The following FMN1 variants were observed in gnomAD, a reference collection of about 807,000 sequenced individuals.
The protein encoded by FMN1 is formin 1.
Under a neutral mutation model 132.4 loss-of-function variants are expected in FMN1, and 110 were observed. The observed-to-expected ratio is 0.83, with a 90% CI of 0.71 to 0.97. The LOEUF is 0.97. Ranked by LOEUF, FMN1 falls within the 50% of genes least tolerant of loss-of-function variation. The pLI, the probability that FMN1 is intolerant of heterozygous loss-of-function variation, is 0.00. For missense variants in FMN1, 1,792 were observed against 1,705.3 expected (o/e 1.05, Z -0.90); for synonymous variants, 722 against 651.7 (o/e 1.11, Z -1.64).
intron 17 of FMN1, 111 bp from the exon 18 acceptor site, chr15:32,804,443 G>GGT (rs2057594565): frequency 1.3e-5 from 1 of 75,838 alleles, no homozygotes; most frequent in African/African-American, 8.3e-5. Context: ...AATTCGGGGG[G>GGT]GGGGGGGGGG....
intron 13 of FMN1, 62 bp from the exon 14 acceptor site, chr15:32,900,187 T>C: frequency 6.4e-7 from 1 of 1,564,996 alleles, no homozygotes; most frequent in Non-Finnish European, 8.8e-7. Context: ...GTTCATTCAG[T>C]AACAAATATC....
chr15:32,991,384 C>A (rs1267776263), intron 7 of FMN1, among the ~76,000 whole-genome samples: 1 of 152,190 alleles, frequency 6.6e-6, no homozygotes, highest in Non-Finnish European at 1.5e-5. Flanking sequence ...ACATCTACTG[C>A]ATATTGATTC....
At chr15:33,110,796 AAAAC>A (rs1373879625) in intron 4 of FMN1, among the ~76,000 whole-genome samples, 2 of 152,112 alleles carry the variant, frequency 1.3e-5, no homozygotes, top group Admixed American at 6.6e-5. Context: ...CTCTGTTATT[AAAAC>A]AAAAATAAGA....
intron 16 of FMN1, among the ~76,000 whole-genome samples, chr15:32,859,343 T>C (rs1423486169): frequency 3.3e-5 from 5 of 152,232 alleles, no homozygotes; most frequent in East Asian, 3.8e-4. Context: ...TTTTCCATTA[T>C]GGCATATTTC....
At chr15:33,044,140 C>A (rs984850622) in intron 6 of FMN1, among the ~76,000 whole-genome samples, 1 of 152,214 alleles carries the variant, frequency 6.6e-6, no homozygotes, top group African/African-American at 2.4e-5. Flanking sequence ...GGCCTTGGTG[C>A]CCTCAAGACT....
At chr15:32,926,390 C>G in intron 9 of FMN1, 129 bp from the exon 10 acceptor site, 1 of 558,734 alleles carries the variant, frequency 1.8e-6, no homozygotes, top group Non-Finnish European at 3.2e-6. Flanking sequence ...TGCATGCACT[C>G]TTTAAATAAT....
chr15:32,922,942 A>G (rs1028429765), intron 10 of FMN1, among the ~76,000 whole-genome samples: 1 of 152,238 alleles, frequency 6.6e-6, no homozygotes, highest in African/African-American at 2.4e-5. Flanking sequence ...AATGGCAGGT[A>G]GAGGCAAATG....
chr15:33,193,790 T>C (rs1456612544), intron 2 of FMN1, 119 bp downstream of exon 2: 1 of 152,070 alleles, frequency 6.6e-6, no homozygotes, highest in Non-Finnish European at 1.5e-5. Flanking sequence ...CAGCTCACAC[T>C]CTGCTCCCAG....
intron 17 of FMN1, among the ~76,000 whole-genome samples, chr15:32,825,048 G>A (rs1029968944): frequency 2.0e-5 from 3 of 152,076 alleles, no homozygotes; most frequent in Admixed American, 6.6e-5. Context: ...CAACTCCTAC[G>A]TTTAAATCCA....
chr15:32,934,075 TTTTG>T (rs1258053977), intron 9 of FMN1, among the ~76,000 whole-genome samples: 1 of 152,058 alleles, frequency 6.6e-6, no homozygotes, highest in Non-Finnish European at 1.5e-5. Flanking sequence ...GACTTTTGTG[TTTTG>T]TTTCTTACAG....
chr15:33,128,831 G>C (rs573354877), intron 4 of FMN1, among the ~76,000 whole-genome samples: 2 of 152,156 alleles, frequency 1.3e-5, no homozygotes, highest in Non-Finnish European at 2.9e-5. Context: ...CAAAGCCTCC[G>C]CAATGCGGAA....
In FMN1 at chr15:32,968,788, AG is replaced by A; in HGVS notation, c.2912del (p.Pro971LeufsTer12). 1 of 1,609,862 alleles carries A rather than the reference AG, an allele frequency of 6.2e-7. No homozygotes were observed. Among genetic ancestry groups the A allele is most frequent in the Non-Finnish European group, 8.5e-7 (1 of 1,178,498 alleles). On this transcript the variant is annotated frameshift_variant, in exon 8 of 21. Coordinates refer to ENST00000616417, the MANE Select transcript of FMN1 (RefSeq NM_001277313.2). LOFTEE classifies it high-confidence loss of function. The part of the protein sequence containing the change: ...FGLGSSSSQC[P>X]RKPAIEPSCP... ...AACTGGGCTCGATGGCTGGTTTTCG[AG>A]GACATTGACTGGAAGAAGAGCCAAG...
At chr15:32,963,725 A>C (rs1241425835) in intron 9 of FMN1, among the ~76,000 whole-genome samples, 1 of 152,140 alleles carries the variant, frequency 6.6e-6, no homozygotes, top group East Asian at 1.9e-4. Context: ...ACTACAAATT[A>C]AATTTTATTT....
chr15:33,035,365 T>C (rs928824597), intron 6 of FMN1, among the ~76,000 whole-genome samples: 15 of 152,204 alleles, frequency 9.9e-5, no homozygotes, highest in Non-Finnish European at 1.5e-5. Context: ...ATGATTTTTT[T>C]CCTATCTACA....
At chr15:32,919,569 AT>A (rs1342454276) in intron 10 of FMN1, among the ~76,000 whole-genome samples, 1 of 152,186 alleles carries the variant, frequency 6.6e-6, no homozygotes, top group Non-Finnish European at 1.5e-5. Context: ...TTTAATTCAT[AT>A]TTTTTGCATA....
intron 7 of FMN1, among the ~76,000 whole-genome samples, chr15:32,984,797 G>A (rs1051270080): frequency 1.3e-5 from 2 of 151,968 alleles, no homozygotes; most frequent in African/African-American, 2.4e-5. Context: ...TCATGAGAAT[G>A]TAACCTTCAT....
chr15:33,050,779 T>C (rs1272757390), intron 6 of FMN1, among the ~76,000 whole-genome samples: 2 of 152,200 alleles, frequency 1.3e-5, no homozygotes, highest in Non-Finnish European at 2.9e-5. Flanking sequence ...GACAGCATTA[T>C]TTGCAAACAG....
intron 4 of FMN1, among the ~76,000 whole-genome samples, chr15:33,118,359 C>T (rs2140159718): frequency 6.6e-6 from 1 of 152,160 alleles, no homozygotes; most frequent in South Asian, 2.1e-4. Context: ...CAAAAATTCT[C>T]AGGGGCATAC....
chr15:32,943,828 T>C (rs1412191967), intron 9 of FMN1, among the ~76,000 whole-genome samples: 1 of 152,150 alleles, frequency 6.6e-6, no homozygotes, highest in Non-Finnish European at 1.5e-5. Flanking sequence ...AATCAAAAAA[T>C]CTTCTAAGTA....
Sources: allele counts gnomAD v4.1 joint callset (sites outside exome capture counted in the v4.1 genomes callset), GRCh38; gene constraint gnomAD v4.1.1; transcripts MANE v1.5; gene names NCBI Gene and HGNC (gene_info 2026-07-23, HGNC 2026-07-21).